RASGRF1: variants seen among roughly 807,000 people sequenced by gnomAD.
RASGRF1 encodes the protein Ras protein specific guanine nucleotide releasing factor 1, also known as ras-specific guanine nucleotide-releasing factor 1.
Under a neutral mutation model 138.7 loss-of-function variants are expected in RASGRF1, and 40 were observed. The observed-to-expected ratio is 0.29, with a 90% CI of 0.22 to 0.38. RASGRF1 has a LOEUF of 0.38. Ranked by LOEUF, RASGRF1 falls within the 10% of genes least tolerant of loss-of-function variation. The pLI, the probability that RASGRF1 is intolerant of heterozygous loss-of-function variation, is 1.00. For missense variants in RASGRF1, 1,108 were observed against 1,650.4 expected (o/e 0.67, Z 5.69); for synonymous variants, 614 against 663.2 (o/e 0.93, Z 1.14).
rs1471748875 is a variant in RASGRF1 at position 78,979,000 on chromosome 15, G to A, written c.3494+1620C>T. The A allele has an allele frequency of 6.2e-6, 8 of 1,292,454 alleles. No individual in the cohort carries two copies. In the South Asian group the frequency reaches 8.6e-5, roughly 14 times the overall value. 80.1% of individuals were successfully genotyped at this position (1,292,454 alleles called of 1,614,324 possible). On this transcript the variant is annotated intron_variant, in intron 24 of 26. Coordinates refer to ENST00000558480, the MANE Select transcript of RASGRF1 (RefSeq NM_001145648.3). ...CTCAGACAGAATGGGGGGCCCCAGA[G>A]GCAGTGGAGGCAGCGGTGGTGGCGG...
chr15:79,030,299 C>T (rs745781918), intron 8 of RASGRF1, among the ~76,000 whole-genome samples: 1 of 152,138 alleles, frequency 6.6e-6, no homozygotes, highest in Non-Finnish European at 1.5e-5. Flanking sequence ...GCCCTGCAGA[C>T]TGACCTTCTT....
intron 3 of RASGRF1, among the ~76,000 whole-genome samples, chr15:79,055,041 C>T (rs2057492353): frequency 6.6e-6 from 1 of 152,148 alleles, no homozygotes; most frequent in South Asian, 2.1e-4. Flanking sequence ...TATCAAGGTC[C>T]TCTCCTCAGC....
intron 3 of RASGRF1, among the ~76,000 whole-genome samples, chr15:79,054,833 G>C (rs1460365879): frequency 4.6e-5 from 7 of 152,210 alleles, no homozygotes; most frequent in Non-Finnish European, 2.9e-5. Context: ...AGACTGAGTG[G>C]AGGAAGCCAT....
At chr15:79,084,851 C>T (rs1331190931) in intron 1 of RASGRF1, among the ~76,000 whole-genome samples, 4 of 152,172 alleles carry the variant, frequency 2.6e-5, no homozygotes, top group Non-Finnish European at 5.9e-5. Context: ...CCATGGACTT[C>T]AGGTTTGATC....
rs1211671225 is a variant in RASGRF1, at chr15:78,973,505, TG to T, written c.3495-86del. On this transcript the variant is annotated intron_variant, in intron 24 of 26. Transcript: ENST00000558480. The surrounding 1 kb of genome is among the most constrained non-coding windows in gnomAD (Gnocchi z 4.9). ...AACAGAACATCCCGCATGCACCTTTTGCTTTGCTAGAGGCAAAGGGACTTGC... is the reference window on the plus strand; with the variant it reads ...AACAGAACATCCCGCATGCACCTTTTCTTTGCTAGAGGCAAAGGGACTTGC... The T allele has an allele frequency of 7.3e-5, 76 of 1,041,936 alleles. No individual in the cohort carries two copies. Among genetic ancestry groups the T allele is most frequent in the Middle Eastern group, 6.2e-4 (3 of 4,804 alleles). The allele number at this position is 1,041,936 out of a possible 1,614,324, so 64.5% of individuals were successfully genotyped here. A position where few individuals can be genotyped will look rare whatever the true frequency, so the allele number is the denominator to read the frequency against.
chr15:79,047,815 A>G (rs1232651659), intron 4 of RASGRF1, among the ~76,000 whole-genome samples: 2 of 152,164 alleles, frequency 1.3e-5, no homozygotes, highest in Non-Finnish European at 2.9e-5. Flanking sequence ...CACGGTCCAC[A>G]CTGGGAGGAA....
intron 15 of RASGRF1, 133 bp downstream of exon 15, chr15:79,003,669 T>G: frequency 7.3e-7 from 1 of 1,375,576 alleles, no homozygotes; most frequent in Non-Finnish European, 9.7e-7. Context: ...ACTATCTGCC[T>G]GGTGGGACCC....
intron 5 of RASGRF1, among the ~76,000 whole-genome samples, chr15:79,042,953 T>A (rs2057315261): frequency 6.6e-6 from 1 of 152,200 alleles, no homozygotes. Context: ...CCCTAAGTGA[T>A]CAGGTATAAA....
chr15:79,035,343 A>C, intron 5 of RASGRF1, 133 bp from the exon 6 acceptor site: 1 of 682,892 alleles, frequency 1.5e-6, no homozygotes, highest in Non-Finnish European at 2.5e-6. Context: ...TGAAAACTGC[A>C]CCGGCAGGAT....
At position 79,023,429 on chromosome 15, in the gene RASGRF1, G is replaced by T. The variant is rs2056992852; in HGVS notation, c.1542+1885C>A. ...TTTCCAGGGTCACATGTGTGTGAGG[G>T]ATGGAGCTGGGACTGATGCTGAGCT... On this transcript the variant is annotated intron_variant, in intron 10 of 26. Transcript: ENST00000558480. Among the ~76,000 whole-genome samples, 4 of 152,222 alleles carry T rather than the reference G, an allele frequency of 2.6e-5. 1 individual carries two copies. The South Asian group carries it at 8.3e-4, about 32-fold the overall frequency.
intron 6 of RASGRF1, 101 bp downstream of exon 6, chr15:79,035,030 A>G: frequency 1.1e-6 from 1 of 919,776 alleles, no homozygotes; most frequent in Non-Finnish European, 1.6e-6. Flanking sequence ...TTAAAAAGTG[A>G]CACTCTATTA....
intron 5 of RASGRF1, among the ~76,000 whole-genome samples, chr15:79,036,566 G>A (rs2057225498): frequency 6.6e-6 from 1 of 152,230 alleles, no homozygotes; most frequent in Non-Finnish European, 1.5e-5. Flanking sequence ...TGAGAGCCAA[G>A]GGTGGAAGAC....
chr15:79,019,926 A>G, intron 11 of RASGRF1, 115 bp downstream of exon 11: 1 of 1,305,768 alleles, frequency 7.7e-7, no homozygotes, highest in South Asian at 1.3e-5. Context: ...TCCCCTCCGC[A>G]CTTCAGCATC....
At chr15:79,060,644 T>C (rs1266617690) in intron 2 of RASGRF1, among the ~76,000 whole-genome samples, 1 of 152,190 alleles carries the variant, frequency 6.6e-6, no homozygotes, top group Admixed American at 6.5e-5. Context: ...AAGCACATGA[T>C]GAACTGTGAG....
At chr15:78,969,240 C>A (rs1229859238) in intron 26 of RASGRF1, among the ~76,000 whole-genome samples, 2 of 152,200 alleles carry the variant, frequency 1.3e-5, no homozygotes, top group Non-Finnish European at 1.5e-5. Context: ...CATTTACTAG[C>A]ACACCACTGA....
chr15:79,021,375 CT>C (rs2056959006), intron 10 of RASGRF1, among the ~76,000 whole-genome samples: 1 of 152,202 alleles, frequency 6.6e-6, no homozygotes, highest in African/African-American at 2.4e-5. Context: ...CCACCAAACC[CT>C]GTGTTTGACT....
chr15:79,072,193 C>A (rs1393663634), intron 1 of RASGRF1, among the ~76,000 whole-genome samples: 3 of 150,300 alleles, frequency 2.0e-5, no homozygotes, highest in African/African-American at 7.3e-5. Context: ...ATATTGCCAG[C>A]GACTGCCTGA....
chr15:78,982,675 C>T (rs181600081), intron 23 of RASGRF1, among the ~76,000 whole-genome samples: 3 of 152,132 alleles, frequency 2.0e-5, no homozygotes, highest in African/African-American at 7.2e-5. Context: ...ATTTTGTGGT[C>T]TCCTAAATTC....
At chr15:78,976,970 C>T (rs2055885402) in intron 24 of RASGRF1, among the ~76,000 whole-genome samples, 1 of 152,258 alleles carries the variant, frequency 6.6e-6, no homozygotes, top group East Asian at 1.9e-4. Flanking sequence ...CAAGGCCTCG[C>T]TGTCGCACTC....
Sources: gnomAD v4.1 joint callset for allele counts (sites outside exome capture counted in the v4.1 genomes callset) on GRCh38, gnomAD v4.1.1 for gene constraint, Gnocchi (gnomAD v3.1) non-coding constraint, MANE v1.5 for transcripts, NCBI Gene and HGNC (gene_info 2026-07-23, HGNC 2026-07-21) for gene names.